The following SGCD variants were observed in gnomAD, a reference collection of about 807,000 sequenced individuals.
SGCD encodes the protein sarcoglycan delta, also known as delta-sarcoglycan.
SGCD carries 18 observed loss-of-function variants against 36.6 expected under a neutral mutation model. The observed-to-expected ratio is 0.49, with a 90% CI of 0.34 to 0.73. The LOEUF is 0.73. Among genes scored for constraint, SGCD ranks in the 30% least tolerant of loss-of-function variants. The pLI, the probability that SGCD is intolerant of heterozygous loss-of-function variation, is 0.01. For synonymous variants in SGCD, 133 were observed against 130.6 expected (o/e 1.02, Z -0.12); for missense variants, 387 against 346.7 (o/e 1.12, Z -0.92).
chr5:156,516,381 G>T (rs1375818269), intron 4 of SGCD, among the ~76,000 whole-genome samples: 3 of 152,188 alleles, frequency 2.0e-5, no homozygotes, highest in African/African-American at 7.2e-5. Flanking sequence ...ACCTCCAGGT[G>T]CAGGAAAAGA....
intron 1 of SGCD, among the ~76,000 whole-genome samples, chr5:156,115,916 A>G (rs1226851635): frequency 6.6e-6 from 1 of 152,082 alleles, no homozygotes; most frequent in African/African-American, 2.4e-5. Flanking sequence ...CATGTTTTTG[A>G]TCACACGTAG....
intron 3 of SGCD, among the ~76,000 whole-genome samples, chr5:156,132,192 G>C (rs965410886): frequency 2.0e-4 from 30 of 152,016 alleles, no homozygotes; most frequent in African/African-American, 2.4e-4. Context: ...GGGTGACTTG[G>C]AAGAATAATT....
chr5:156,694,763 T>A (rs924928756), intron 7 of SGCD, among the ~76,000 whole-genome samples: 1 of 152,204 alleles, frequency 6.6e-6, no homozygotes, highest in Non-Finnish European at 1.5e-5. Flanking sequence ...TACATTTTTT[T>A]AATTAGGCCC....
intron 4 of SGCD, among the ~76,000 whole-genome samples, chr5:156,519,307 C>A (rs555040694): frequency 6.6e-6 from 1 of 152,078 alleles, no homozygotes; most frequent in East Asian, 1.9e-4. Context: ...CCTGAATAGA[C>A]CATTCACGAG....
At chr5:155,750,350 C>G in the SGCD span, among the ~76,000 whole-genome samples, 2 of 152,178 alleles carry the variant, frequency 1.3e-5, no homozygotes, top group Non-Finnish European at 2.9e-5. Flanking sequence ...TTACTCATTC[C>G]TTTGCATCTT....
intron 3 of SGCD, among the ~76,000 whole-genome samples, chr5:156,451,180 C>A (rs146067359): frequency 1.5e-3 from 219 of 150,992 alleles, no homozygotes; most frequent in Middle Eastern, 3.4e-3. Context: ...CAGTTTAATG[C>A]CATAGATGTG....
At chr5:156,137,112 A>G (rs1454081448) in intron 3 of SGCD, among the ~76,000 whole-genome samples, 2 of 152,186 alleles carry the variant, frequency 1.3e-5, no homozygotes, top group African/African-American at 2.4e-5. Flanking sequence ...CCAGGACAAA[A>G]CGAGAGGGTT....
intron 3 of SGCD, among the ~76,000 whole-genome samples, chr5:156,370,016 T>C (rs1770298466): frequency 6.6e-6 from 1 of 152,192 alleles, no homozygotes; most frequent in Non-Finnish European, 1.5e-5. Flanking sequence ...TAAATTCTTT[T>C]CTGCTCTAAA....
intron 3 of SGCD, among the ~76,000 whole-genome samples, chr5:156,151,521 C>G (rs1423746769): frequency 6.6e-6 from 1 of 151,334 alleles, no homozygotes; most frequent in African/African-American, 2.5e-5. Flanking sequence ...ATTTACAAAC[C>G]AGATGAAAGT....
At chr5:155,846,431 A>G in the SGCD span, among the ~76,000 whole-genome samples, 1 of 152,104 alleles carries the variant, frequency 6.6e-6, no homozygotes, top group Non-Finnish European at 1.5e-5. Context: ...ACTCTGAGTT[A>G]TATGTGTTTG....
intron 7 of SGCD, among the ~76,000 whole-genome samples, chr5:156,727,315 A>G (rs1755827269): frequency 6.6e-6 from 1 of 152,188 alleles, no homozygotes; most frequent in East Asian, 1.9e-4. Flanking sequence ...ACTGATAACA[A>G]GGGTAGCAGG....
At chr5:155,992,466 C>T (rs892495142) in intron 1 of SGCD, among the ~76,000 whole-genome samples, 4 of 152,094 alleles carry the variant, frequency 2.6e-5, no homozygotes, top group Admixed American at 1.3e-4. Flanking sequence ...ACCCTTCCTG[C>T]AAGCAGAGGG....
chr5:156,684,289 A>G (rs1581394769), intron 7 of SGCD, among the ~76,000 whole-genome samples: 1 of 152,060 alleles, frequency 6.6e-6, no homozygotes, highest in Non-Finnish European at 1.5e-5. Flanking sequence ...TGAGGATGCT[A>G]TGACAAGAAA....
At chr5:156,292,554 A>G (rs537118545) in intron 3 of SGCD, among the ~76,000 whole-genome samples, 2 of 152,268 alleles carry the variant, frequency 1.3e-5, no homozygotes, top group African/African-American at 4.8e-5. Context: ...ATGCTGCTAT[A>G]AAACCTTGGT....
chr5:156,225,923 A>G (rs951256262), intron 3 of SGCD, among the ~76,000 whole-genome samples: 1 of 152,100 alleles, frequency 6.6e-6, no homozygotes, highest in African/African-American at 2.4e-5. Context: ...ATTTACACAG[A>G]TGCATGATTT....
At chr5:155,773,850 C>G in the SGCD span, among the ~76,000 whole-genome samples, 181 of 152,160 alleles carry the variant, frequency 1.2e-3, 2 homozygotes, top group South Asian at 0.011. Flanking sequence ...TGTGCACAGG[C>G]CAGCCGAAGG....
intron 6 of SGCD, among the ~76,000 whole-genome samples, chr5:156,643,647 C>T (rs182703347): frequency 6.3e-4 from 96 of 152,138 alleles, no homozygotes; most frequent in African/African-American, 2.2e-3. Flanking sequence ...AAATTAGAAC[C>T]GAAAATCAGG....
At chr5:156,323,977 T>G (rs1253159167), upstream of SGCD, among the ~76,000 whole-genome samples, 1 of 152,202 alleles carries the variant, frequency 6.6e-6, no homozygotes, top group Non-Finnish European at 1.5e-5. Context: ...TTATCACACA[T>G]TATTTCACGT....
intron 3 of SGCD, among the ~76,000 whole-genome samples, chr5:156,169,728 G>A (rs1763297711): frequency 6.6e-6 from 1 of 152,126 alleles, no homozygotes; most frequent in Non-Finnish European, 1.5e-5. Flanking sequence ...GGAAGAAAAT[G>A]CTTGAGATGG....
Sources: gnomAD v4.1 joint callset for allele counts (sites outside exome capture counted in the v4.1 genomes callset) on GRCh38, gnomAD v4.1.1 for gene constraint, MANE v1.5 for transcripts, NCBI Gene and HGNC (gene_info 2026-07-23, HGNC 2026-07-21) for gene names.